FAIM: variants seen among roughly 807,000 people sequenced by gnomAD.
The protein encoded by FAIM is fas apoptotic inhibitory molecule 1.
FAIM carries 14 observed loss-of-function variants against 21.2 expected under a neutral mutation model. That is an observed-to-expected ratio of 0.66 (90% confidence interval 0.44 to 1.03). The LOEUF (loss-of-function observed/expected upper bound fraction) is 1.03. FAIM is among the 50% of genes least tolerant of loss of function. The probability of loss-of-function intolerance (pLI) is 0.00; values close to 1 mark genes in which losing one functional copy is unlikely to be tolerated. For missense variants in FAIM, 222 were observed against 247.1 expected, an observed-to-expected ratio of 0.90 and a Z score of 0.68; for synonymous variants, 86 against 80.4, an observed-to-expected ratio of 1.07 and a Z score of -0.37.
rs186964615 is a variant in FAIM at position 138,633,025 on chromosome 3, G to T, written c.552G>T (p.Gly184=). The T allele has an allele frequency of 8.1e-6, 13 of 1,613,840 alleles. No homozygotes were observed. The highest frequency in any genetic ancestry group is 2.2e-5 in the East Asian group (1 of 44,830). Reference sequence around the variant, plus strand: ...TCAGTAGTGGGAAGCGGAAAGAAGGGATTATTCATACTCTCATTGTGGATA... The same window carrying T: ...TCAGTAGTGGGAAGCGGAAAGAAGGTATTATTCATACTCTCATTGTGGATA... ...KAVSSGKRKE[G]IIHTLIVDNR... is the part of the protein sequence containing the mutation. Residue 184 remains glycine, a synonymous_variant, in exon 6 of 6, where the codon GGG becomes GGT. Transcript: ENST00000360570.
intron 1 of FAIM, chr3:138,610,734 C>T (rs1013998058): frequency 2.4e-6 from 1 of 416,234 alleles, no homozygotes; most frequent in Non-Finnish European, 4.4e-6. Flanking sequence ...CAGACGTGCG[C>T]TACCATGCCC....
chr3:138,623,722 A>C (rs1056392558), intron 4 of FAIM, among the ~76,000 whole-genome samples: 1 of 152,050 alleles, frequency 6.6e-6, no homozygotes, highest in Non-Finnish European at 1.5e-5. Flanking sequence ...CTCCTGTTCT[A>C]AGTATCCAAG....
chr3:138,610,009 G>A (rs1178846506), intron 1 of FAIM, among the ~76,000 whole-genome samples: 2 of 152,088 alleles, frequency 1.3e-5, no homozygotes, highest in Non-Finnish European at 2.9e-5. Context: ...GATTTTACTG[G>A]AGACCCCCCT....
intron 4 of FAIM, among the ~76,000 whole-genome samples, chr3:138,624,677 T>G (rs2042922437): frequency 6.6e-6 from 1 of 152,178 alleles, no homozygotes; most frequent in South Asian, 2.1e-4. Context: ...TTTTACAGAT[T>G]AGTTATGAAG....
intron 4 of FAIM, among the ~76,000 whole-genome samples, chr3:138,626,270 A>C (rs141829539): frequency 6.6e-6 from 1 of 152,284 alleles, no homozygotes; most frequent in East Asian, 1.9e-4. Flanking sequence ...TTTTATTAAC[A>C]TACCACTTTG....
chr3:138,612,096 A>ATTTTTT (rs138371254), intron 1 of FAIM, among the ~76,000 whole-genome samples: 3 of 100,810 alleles, frequency 3.0e-5, no homozygotes, highest in Non-Finnish European at 5.7e-5. Context: ...TTGTCTGGCT[A>ATTTTTT]TTTTTTTTTT....
At chr3:138,632,790 T>C in intron 5 of FAIM, 140 bp from the exon 6 acceptor site, 1 of 778,122 alleles carries the variant, frequency 1.3e-6, no homozygotes, top group Non-Finnish European at 1.9e-6. Flanking sequence ...AAGTACAAGC[T>C]TTAGACTTTG....
Position 138,611,342 on chromosome 3 carries a change from A to G in FAIM, c.-17+2405A>G, listed in dbSNP as rs555547529. Among the ~76,000 whole-genome samples, 9 of 152,200 alleles carry G rather than the reference A, an allele frequency of 5.9e-5. No individual in the cohort carries two copies. In the South Asian group the frequency reaches 1.5e-3, roughly 25 times the overall value. ...CATACCATAAAATTCACCCATTTAA[A>G]GTATACAATTCTTTCTAATATAATT... On this transcript the variant is annotated intron_variant, in intron 1 of 5. Transcript: ENST00000360570.
At chr3:138,631,808 A>G (rs929127596) in intron 5 of FAIM, among the ~76,000 whole-genome samples, 1 of 152,106 alleles carries the variant, frequency 6.6e-6, no homozygotes, top group Middle Eastern at 3.2e-3. Context: ...AAAAATGGGG[A>G]CAAGAACACA....
At chr3:138,616,212 T>C (rs1231468036) in intron 1 of FAIM, among the ~76,000 whole-genome samples, 1 of 152,232 alleles carries the variant, frequency 6.6e-6, no homozygotes, top group Non-Finnish European at 1.5e-5. Context: ...TCTCATATTT[T>C]GGTTAAGGCT....
At chr3:138,609,077 G>C (rs1323608947) in intron 1 of FAIM, 140 bp downstream of exon 1, 2 of 153,344 alleles carry the variant, frequency 1.3e-5, no homozygotes, top group South Asian at 2.0e-4. Flanking sequence ...CGCCGGCGGC[G>C]GCCATCTCTG....
intron 1 of FAIM, chr3:138,609,199 G>C (rs2042723330): frequency 6.6e-6 from 1 of 151,850 alleles, no homozygotes; most frequent in Non-Finnish European, 1.5e-5. Flanking sequence ...ACCTCGGGGC[G>C]GGACGCGGCT....
At position 138,621,533 on chromosome 3, in the gene FAIM, T is replaced by C. The variant is rs369058786; in HGVS notation, c.171T>C (p.Asp57=). 5 of 1,611,714 alleles carry C rather than the reference T, an allele frequency of 3.1e-6. No individual in the cohort carries two copies. In the African/African-American group the frequency reaches 4.0e-5, roughly 13 times the overall value. Residue 57 remains aspartate (D), a synonymous_variant, in exon 3 of 6, where the codon GAT becomes GAC. Transcript: ENST00000360570. ...CAGGCAAACGAGTAGTATATGTAGA[T>C]GGAAAGGTAGGAAGAAAATATGTTA... is the stretch of plus-strand genomic sequence containing the variant. ...TTSGKRVVYV[D]GKEEIRKEWM...
chr3:138,629,631 C>G (rs1407805544), intron 5 of FAIM: 2 of 152,884 alleles, frequency 1.3e-5, no homozygotes, highest in African/African-American at 4.8e-5. Context: ...TTTAGGAATG[C>G]TTTACACCAT....
chr3:138,628,988 A>G (rs748423131), intron 4 of FAIM, 119 bp from the exon 5 acceptor site: 37 of 684,690 alleles, frequency 5.4e-5, no homozygotes, highest in Non-Finnish European at 8.0e-5. Context: ...GTTTTGGAAT[A>G]TTAATGGAGT....
chr3:138,620,748 C>T (rs1171160729), intron 2 of FAIM, among the ~76,000 whole-genome samples: 1 of 152,192 alleles, frequency 6.6e-6, no homozygotes, highest in Non-Finnish European at 1.5e-5. Context: ...CTCAGTCTCC[C>T]AAAGTGCTAG....
chr3:138,619,415 A>C (rs1577010788), intron 1 of FAIM, among the ~76,000 whole-genome samples: 1 of 152,350 alleles, frequency 6.6e-6, no homozygotes, highest in East Asian at 1.9e-4. Context: ...ATGCTATAAC[A>C]CTTGCAACAA....
At position 138,624,380 on chromosome 3, in the gene FAIM, C is replaced by CTAAAT. The variant is rs1560498127; in HGVS notation, c.406+1964_406+1965insTAAAT. Reference sequence around the variant, plus strand: ...ATACAGTTAGTTCTCTTTTAAATGTCCAGGGGCCTGCTTATCTACTTGTGA... The same window carrying CTAAAT: ...ATACAGTTAGTTCTCTTTTAAATGTCTAAATCAGGGGCCTGCTTATCTACTTGTGA... On this transcript the variant is annotated intron_variant, in intron 4 of 5. Coordinates refer to ENST00000360570, the MANE Select transcript of FAIM (RefSeq NM_001033031.2). Among the ~76,000 whole-genome samples the CTAAAT allele has an allele frequency of 2.0e-5, 3 of 152,202 alleles. No individual in the cohort carries two copies. The South Asian group carries it at 6.2e-4, about 32-fold the overall frequency.
chr3:138,622,075 C>G, intron 3 of FAIM, 113 bp from the exon 4 acceptor site: 1 of 906,346 alleles, frequency 1.1e-6, no homozygotes, highest in Non-Finnish European at 1.6e-6. Context: ...CCACCACTCC[C>G]GGCAATGAAA....
Sources: gnomAD v4.1 joint callset for allele counts (sites outside exome capture counted in the v4.1 genomes callset) on GRCh38, gnomAD v4.1.1 for gene constraint, MANE v1.5 for transcripts, NCBI Gene and HGNC (gene_info 2026-07-23, HGNC 2026-07-21) for gene names.